The following ANKRA2 variants were observed in gnomAD, a reference collection of about 807,000 sequenced individuals.
ANKRA2 encodes the protein ankyrin repeat family A member 2, also known as ankyrin repeat family A protein 2.
A neutral mutation model predicts 37.8 loss-of-function variants in ANKRA2; 33 were observed. That is an observed-to-expected ratio of 0.87 (90% CI 0.66 to 1.17). The LOEUF is 1.17. Ranked by LOEUF, ANKRA2 falls within the 50% of genes most tolerant of loss-of-function variation. ANKRA2 has a pLI of 0.00. For synonymous variants in ANKRA2, 126 were observed against 132.3 expected (o/e 0.95, Z 0.33); for missense variants, 326 against 373.7 (o/e 0.87, Z 1.05).
chr5:73,561,752 G>A (rs369122623), intron 2 of ANKRA2, among the ~76,000 whole-genome samples: 366 of 151,676 alleles, frequency 2.4e-3, no homozygotes, highest in African/African-American at 8.4e-3. Flanking sequence ...GGGTGACAGA[G>A]AGAGGCTCTG....
chr5:73,556,928 C>T (rs990974830), intron 4 of ANKRA2, among the ~76,000 whole-genome samples: 1 of 150,802 alleles, frequency 6.6e-6, no homozygotes, highest in Non-Finnish European at 1.5e-5. Context: ...GAAACTCTAG[C>T]TCTTGTGTGA....
At chr5:73,563,254 G>C (rs890021076) in intron 1 of ANKRA2, among the ~76,000 whole-genome samples, 1 of 152,080 alleles carries the variant, frequency 6.6e-6, no homozygotes, top group African/African-American at 2.4e-5. Context: ...ATAGGGTTCT[G>C]GTAAAGACCA....
chr5:73,552,982 G>T, intron 8 of ANKRA2, 130 bp from the exon 9 acceptor site: 1 of 718,074 alleles, frequency 1.4e-6, no homozygotes, highest in Non-Finnish European at 2.3e-6. Flanking sequence ...TACATAGCCT[G>T]AGGGCAATAA....
Position 73,552,747 on chromosome 5 carries a change from AT to A in ANKRA2, c.*49del. 2 of 1,507,794 alleles carry A rather than the reference AT, an allele frequency of 1.3e-6. No homozygotes were observed. Among genetic ancestry groups the A allele is most frequent in the Non-Finnish European group, 1.8e-6 (2 of 1,093,950 alleles). 93.4% of individuals were successfully genotyped at this position (1,507,794 alleles called of 1,614,324 possible). A position where few individuals can be genotyped will look rare whatever the true frequency, so the allele number is the denominator to read the frequency against. On this transcript the variant is annotated 3_prime_UTR_variant, in exon 9 of 9. Transcript: ENST00000296785. The stretch of plus-strand genomic sequence containing the variant: ...TTATAAGTAAACAAAACTATCATTT[AT>A]AAGGACCAAGAAGTAAACAAAAGGG...
chr5:73,553,273 A>G (rs1229555990), intron 8 of ANKRA2, 133 bp downstream of exon 8: 1 of 665,490 alleles, frequency 1.5e-6, no homozygotes, highest in Non-Finnish European at 2.4e-6. Flanking sequence ...GACTTTTCCC[A>G]AAGTTAAAAG....
intron 5 of ANKRA2, 155 bp downstream of exon 5, chr5:73,555,333 C>T: frequency 2.3e-6 from 3 of 1,332,406 alleles, no homozygotes; most frequent in East Asian, 2.5e-5. Flanking sequence ...GTCTTGCCTT[C>T]CCAACTAGAT....
intron 3 of ANKRA2, among the ~76,000 whole-genome samples, chr5:73,558,814 T>C (rs1401849303): frequency 6.6e-6 from 1 of 152,216 alleles, no homozygotes; most frequent in Admixed American, 6.5e-5. Context: ...ATTATAGGCA[T>C]GAGCCACTGC....
chr5:73,552,926 A>C (rs1747291666), intron 8 of ANKRA2, 74 bp from the exon 9 acceptor site: 2 of 1,262,636 alleles, frequency 1.6e-6, no homozygotes, highest in Admixed American at 4.0e-5. Flanking sequence ...AATTTAACTT[A>C]TCCCCAATAT....
intron 2 of ANKRA2, among the ~76,000 whole-genome samples, chr5:73,561,743 G>A (rs981255452): frequency 1.3e-5 from 2 of 151,866 alleles, no homozygotes; most frequent in Non-Finnish European, 2.9e-5. Context: ...CTCCAGCCTG[G>A]GTGACAGAGA....
In ANKRA2 at chr5:73,552,843, A is replaced by G; in HGVS notation, c.896T>C (p.Val299Ala). 1 of 1,604,240 alleles carries G rather than the reference A, an allele frequency of 6.2e-7. No homozygotes were observed. Among genetic ancestry groups the G allele is most frequent in the Non-Finnish European group, 8.5e-7 (1 of 1,172,000 alleles). The change falls in exon 9 of 9, where the codon GTT becomes GCT. Residue 299 changes from valine (V) to alanine (A), a missense_variant. By Grantham distance (64) the Val-to-Ala change is moderately conservative. Coordinates refer to ENST00000296785, the MANE Select transcript of ANKRA2 (RefSeq NM_023039.5). Reference sequence around the variant, plus strand: ...CAGCTTCAACAAATGTGACTCAATAACCTGTTGAACTAGAACAGATAGGTA... The same window carrying G: ...CAGCTTCAACAAATGTGACTCAATAGCCTGTTGAACTAGAACAGATAGGTA... ...VALGYRSVQQ[V>A]IESHLLKLLQ...
intron 3 of ANKRA2, among the ~76,000 whole-genome samples, chr5:73,559,776 G>A (rs1033260505): frequency 6.6e-6 from 1 of 152,062 alleles, no homozygotes; most frequent in South Asian, 2.1e-4. Context: ...TTGATTGATT[G>A]GAATCATGGT....
At chr5:73,557,224 A>G (rs1330195375) in intron 4 of ANKRA2, among the ~76,000 whole-genome samples, 1 of 151,762 alleles carries the variant, frequency 6.6e-6, no homozygotes, top group Non-Finnish European at 1.5e-5. Flanking sequence ...TATTCAGTGT[A>G]AAACGGTGCA....
chr5:73,560,492 T>C (rs703881), intron 3 of ANKRA2, among the ~76,000 whole-genome samples: 103,095 of 152,064 alleles, frequency 0.68, 35,199 homozygotes, highest in East Asian at 0.83. Flanking sequence ...TCCCAAGTAG[T>C]TGGGAACACA....
In ANKRA2 at chr5:73,554,356, A is replaced by G. The variant is rs1747340020; in HGVS notation, c.771T>C (p.His257=). 2 of 1,613,754 alleles carry G rather than the reference A, an allele frequency of 1.2e-6. No homozygotes were observed. Among genetic ancestry groups the G allele is most frequent in the East Asian group, 2.2e-5 (1 of 44,868 alleles). ...TCTTTACACATTTCACATGATTTCC[A>G]TGTACAGCATAAAGCAGAGGTGTTC... The part of the protein sequence containing the change: ...NGGTPLLYAV[H]GNHVKCVKML... Residue 257 remains histidine, a synonymous_variant, in exon 7 of 9, where the codon CAT becomes CAC. Transcript: ENST00000296785.
At chr5:73,552,891 T>G (rs751539990) in intron 8 of ANKRA2, 39 bp from the exon 9 acceptor site, 1 of 1,491,278 alleles carries the variant, frequency 6.7e-7, no homozygotes, top group Non-Finnish European at 9.2e-7. Flanking sequence ...GCACAGTGAC[T>G]ATAAAATTTC....
chr5:73,552,733 CA>C lies in ANKRA2; in HGVS notation c.*63del. ...ACTGAGGTAAAAATTTATAAGTAAA[CA>C]AAACTATCATTTATAAGGACCAAGA... On this transcript the variant is annotated 3_prime_UTR_variant, in exon 9 of 9. Coordinates refer to ENST00000296785, the MANE Select transcript of ANKRA2 (RefSeq NM_023039.5). 6.8e-7 allele frequency: 1 copy of C among 1,463,540 alleles called. No individual in the cohort carries two copies. The highest frequency in any genetic ancestry group is 9.4e-7 in the Non-Finnish European group (1 of 1,060,958). 90.7% of individuals were successfully genotyped at this position (1,463,540 alleles called of 1,614,324 possible).
At chr5:73,559,690 A>C (rs1248593198) in intron 3 of ANKRA2, among the ~76,000 whole-genome samples, 1 of 152,126 alleles carries the variant, frequency 6.6e-6, no homozygotes. Flanking sequence ...TAAAACTTTT[A>C]AGTTTTCATA....
At position 73,554,392 on chromosome 5, in the gene ANKRA2, C is replaced by T. The variant is rs756407727; in HGVS notation, c.739-4G>A. On this transcript the variant is annotated splice_region_variant and splice_polypyrimidine_tract_variant and intron_variant, in intron 6 of 8. Transcript: ENST00000296785. The stretch of plus-strand genomic sequence containing the variant: ...AAAGCAGAGGTGTTCCTCCATTCTG[C>T]AAAATGAAAAGGTGATTCAGAGTTT... 4 of 1,608,820 alleles carry T rather than the reference C, an allele frequency of 2.5e-6. No homozygotes were observed. Among genetic ancestry groups the T allele is most frequent in the African/African-American group, 2.7e-5 (2 of 74,846 alleles).
chr5:73,557,169 T>A (rs1477546614), intron 4 of ANKRA2, among the ~76,000 whole-genome samples: 1 of 151,326 alleles, frequency 6.6e-6, no homozygotes, highest in Non-Finnish European at 1.5e-5. Flanking sequence ...ATGAAAAGAA[T>A]AAAATAGGTC....
Sources: gnomAD v4.1 joint callset for allele counts (sites outside exome capture counted in the v4.1 genomes callset) on GRCh38, gnomAD v4.1.1 for gene constraint, MANE v1.5 for transcripts, NCBI Gene and HGNC (gene_info 2026-07-23, HGNC 2026-07-21) for gene names.